USP6NL: variants seen among roughly 807,000 people sequenced by gnomAD.
USP6NL encodes the protein USP6 N-terminal-like protein.
A neutral mutation model predicts 61.9 loss-of-function variants in USP6NL; 26 were observed. That is an observed-to-expected ratio of 0.42 (90% CI 0.31 to 0.58). USP6NL has a LOEUF of 0.58. Ranked by LOEUF, USP6NL falls within the 20% of genes least tolerant of loss-of-function variation. The probability of loss-of-function intolerance (pLI) is 0.16; values close to 1 mark genes in which losing one functional copy is unlikely to be tolerated. For missense variants in USP6NL, 1,114 were observed against 1,034.3 expected (o/e 1.08, Z -1.06); for synonymous variants, 432 against 390.1 (o/e 1.11, Z -1.27).
chr10:11,573,976 A>G (rs1765888603), intron 2 of USP6NL: 1 of 259,948 alleles, frequency 3.8e-6, no homozygotes, highest in Admixed American at 5.4e-5. Context: ...TATAAACAAA[A>G]CAAAACAAAA....
intron 10 of USP6NL, among the ~76,000 whole-genome samples, chr10:11,486,310 T>G (rs7908774): frequency 0.11 from 16,619 of 152,122 alleles, 1,412 homozygotes; most frequent in East Asian, 0.43. Context: ...AAATAACAAT[T>G]TATTACTTTT....
In USP6NL at chr10:11,525,265, G is replaced by A. The variant is rs1259582998; in HGVS notation, c.155+121C>T. 1.3e-5 allele frequency: 9 copies of A among 681,840 alleles called. No homozygotes were observed. Among genetic ancestry groups the A allele is most frequent in the Non-Finnish European group, 2.1e-5 (9 of 434,506 alleles). The allele number at this position is 681,840 out of a possible 1,614,324, so 42.2% of individuals were successfully genotyped here. On this transcript the variant is annotated intron_variant, in intron 4 of 14. Transcript: ENST00000609104. The surrounding 1 kb of genome is among the most constrained non-coding windows in gnomAD (Gnocchi z 5.0). ...AAACCTAGGAATTTAGTATCAAAAC[G>A]CATATTGTAAGACTATTCCTTATTC...
intron 10 of USP6NL, among the ~76,000 whole-genome samples, chr10:11,486,663 C>T (rs1393447866): frequency 1.3e-5 from 2 of 152,220 alleles, no homozygotes; most frequent in Non-Finnish European, 2.9e-5. Context: ...TTCCATGCAA[C>T]TCTGAAAGAT....
chr10:11,579,054 GA>G (rs1200904935), intron 2 of USP6NL, among the ~76,000 whole-genome samples: 1 of 152,088 alleles, frequency 6.6e-6, no homozygotes, highest in African/African-American at 2.4e-5. Flanking sequence ...GATGCAGGGG[GA>G]AAAAAAGTTT....
chr10:11,526,041 G>A (rs1221503338), intron 3 of USP6NL, among the ~76,000 whole-genome samples: 2 of 152,078 alleles, frequency 1.3e-5, no homozygotes, highest in Admixed American at 6.6e-5. Context: ...TGTCAGTGTC[G>A]CTCACTCCCT....
At position 11,598,454 on chromosome 10, in the gene USP6NL, T is replaced by A. The variant is rs1380585710; in HGVS notation, c.-83-737A>T. On this transcript the variant is annotated intron_variant, in intron 1 of 14. Transcript: ENST00000609104. The surrounding 1 kb of genome is among the most constrained non-coding windows in gnomAD (Gnocchi z 4.7). The stretch of plus-strand genomic sequence containing the variant: ...ACAAACTTAACCCTTTGCTAAGATT[T>A]ACTTTATAAATCTTCCTTTCTTAAT... Among the ~76,000 whole-genome samples, 1 of 152,218 alleles carries A rather than the reference T, an allele frequency of 6.6e-6. No homozygotes were observed. The highest frequency in any genetic ancestry group is 1.9e-4 in the East Asian group (1 of 5,200).
At position 11,540,309 on chromosome 10, in the gene USP6NL, T is replaced by C. The variant is rs1835997380; in HGVS notation, c.5-12742A>G. Among the ~76,000 whole-genome samples the C allele has an allele frequency of 6.6e-6, 1 of 152,192 alleles. No homozygotes were observed. The highest frequency in any genetic ancestry group is 1.5e-5 in the Non-Finnish European group (1 of 68,036). On this transcript the variant is annotated intron_variant, in intron 2 of 14. Coordinates refer to ENST00000609104, the MANE Select transcript of USP6NL (RefSeq NM_014688.5). The surrounding 1 kb of genome is among the most constrained non-coding windows in gnomAD (Gnocchi z 5.0). ...ACCTGCTATATTATGTTTTAAGTTG[T>C]GTGTTTTAGGATAATAACAAGAAAT...
chr10:11,521,443 C>T (rs1261167477), intron 4 of USP6NL, among the ~76,000 whole-genome samples: 3 of 150,474 alleles, frequency 2.0e-5, no homozygotes, highest in East Asian at 1.9e-4. Flanking sequence ...TGCAACGGTG[C>T]GATCTCCGCT....
chr10:11,491,830 G>C lies in USP6NL; in HGVS notation c.495-950C>G, dbSNP rs540731775. On this transcript the variant is annotated intron_variant, in intron 8 of 14. Coordinates refer to ENST00000609104, the MANE Select transcript of USP6NL (RefSeq NM_014688.5). This position sits in a 1 kb window ranked among gnomAD's most constrained non-coding sequence, Gnocchi z 4.7. ...TCTAGGTAAAGAACCACAACCATCT[G>C]AGTGCTTGCTGAGGGCAAAGGGAAT... 6.6e-6 allele frequency among the ~76,000 whole-genome samples: 1 copy of C among 152,324 alleles called. No individual in the cohort carries two copies. Among genetic ancestry groups the C allele is most frequent in the South Asian group, 2.1e-4 (1 of 4,828 alleles).
chr10:11,547,543 T>C (rs1836315330), intron 2 of USP6NL, among the ~76,000 whole-genome samples: 2 of 54,464 alleles, frequency 3.7e-5, no homozygotes, highest in Non-Finnish European at 7.3e-5. Context: ...ATTTTAAAAC[T>C]TTTTTTTTTT....
Position 11,537,229 on chromosome 10 carries a change from T to C in USP6NL, c.5-9662A>G, listed in dbSNP as rs962112517. Among the ~76,000 whole-genome samples the C allele has an allele frequency of 6.6e-6, 1 of 152,086 alleles. No homozygotes were observed. The highest frequency in any genetic ancestry group is 1.5e-5 in the Non-Finnish European group (1 of 68,004). On this transcript the variant is annotated intron_variant, in intron 2 of 14. Coordinates refer to ENST00000609104, the MANE Select transcript of USP6NL (RefSeq NM_014688.5). This position sits in a 1 kb window ranked among gnomAD's most constrained non-coding sequence, Gnocchi z 5.1. ...AGGTGATCCTCCCACCTCAGCCTCC[T>C]GAGTCCTAAGTAGCTGGGACTACAG...
chr10:11,573,238 T>C (rs1267361513), intron 2 of USP6NL, among the ~76,000 whole-genome samples: 1 of 152,214 alleles, frequency 6.6e-6, no homozygotes, highest in South Asian at 2.1e-4. Context: ...TTCTGATGTC[T>C]GCTATGAATA....
At chr10:11,542,635 C>T (rs911993265) in intron 2 of USP6NL, among the ~76,000 whole-genome samples, 5 of 152,114 alleles carry the variant, frequency 3.3e-5, no homozygotes, top group African/African-American at 9.7e-5. Context: ...AGGAGAATTG[C>T]CTGAACCCGG....
chr10:11,545,731 T>C (rs201567626), intron 2 of USP6NL, among the ~76,000 whole-genome samples: 1 of 152,354 alleles, frequency 6.6e-6, no homozygotes, highest in East Asian at 1.9e-4. Flanking sequence ...GATTTTTTTA[T>C]TTCTAACAAA....
rs547308955 is a variant in USP6NL at position 11,569,510 on chromosome 10, G to A, written c.4+28121C>T. On this transcript the variant is annotated intron_variant, in intron 2 of 14. Transcript: ENST00000609104. ...TAGAAGCAAAAGCAAAATGCTAAGA[G>A]AATATAAAGAAAGAAACGATTCAAT... Among the ~76,000 whole-genome samples the A allele has an allele frequency of 2.3e-3, 357 of 152,294 alleles. 4 individuals are homozygous for A. Among genetic ancestry groups the A allele is most frequent in the African/African-American group, 8.3e-3 (344 of 41,562 alleles).
At chr10:11,497,410 TCA>T (rs1833981581) in intron 7 of USP6NL, among the ~76,000 whole-genome samples, 1 of 66,458 alleles carries the variant, frequency 1.5e-5, no homozygotes, top group Non-Finnish European at 3.0e-5. Flanking sequence ...AGACTCAGTC[TCA>T]AAAAAAAAAA....
chr10:11,593,396 G>A (rs1394834087), intron 2 of USP6NL, among the ~76,000 whole-genome samples: 5 of 151,932 alleles, frequency 3.3e-5, no homozygotes, highest in Admixed American at 2.6e-4. Flanking sequence ...TGTGCCTTGT[G>A]TACAAACTTC....
intron 2 of USP6NL, among the ~76,000 whole-genome samples, chr10:11,530,265 C>T (rs1032668167): frequency 6.6e-6 from 1 of 151,944 alleles, no homozygotes; most frequent in Non-Finnish European, 1.5e-5. Context: ...TATACCAGTC[C>T]CTTAATCCTG....
intron 1 of USP6NL, among the ~76,000 whole-genome samples, chr10:11,607,015 C>G (rs1007555530): frequency 1.3e-5 from 2 of 152,142 alleles, no homozygotes; most frequent in South Asian, 4.1e-4. Context: ...GCCTCAAACT[C>G]CTGGCCTCAT....
Sources: allele counts gnomAD v4.1 joint callset (sites outside exome capture counted in the v4.1 genomes callset), GRCh38; gene constraint gnomAD v4.1.1; non-coding constraint Gnocchi (gnomAD v3.1); transcripts MANE v1.5; gene names NCBI Gene and HGNC (gene_info 2026-07-23, HGNC 2026-07-21).